Variants in SLC20A2 observed in about 807,000 individuals in gnomAD.
SLC20A2 encodes the protein solute carrier family 20 member 2.
A neutral mutation model predicts 61.0 loss-of-function variants in SLC20A2; 30 were observed. That is an observed-to-expected ratio of 0.49 (90% CI 0.37 to 0.67). The LOEUF is 0.67. Ranked by LOEUF, SLC20A2 falls within the 30% of genes least tolerant of loss-of-function variation. SLC20A2 has a pLI of 0.00. For synonymous variants in SLC20A2, 351 were observed against 353.3 expected (o/e 0.99, Z 0.07); for missense variants, 626 against 866.4 (o/e 0.72, Z 3.48).
chr8:42,483,983 G>A lies in SLC20A2; in HGVS notation c.-264-11329C>T, dbSNP rs578092199. ...GTACTTATAAAACTTTTTGTTCCTG[G>A]TACAACCGCATATTCTTTCCATTAA... On this transcript the variant is annotated intron_variant, in intron 1 of 10. Coordinates refer to ENST00000520262, the MANE Select transcript of SLC20A2 (RefSeq NM_001257180.2). 6.6e-5 allele frequency among the ~76,000 whole-genome samples: 10 copies of A among 152,240 alleles called. No homozygotes were observed. In the East Asian group the frequency reaches 1.9e-3, roughly 29 times the overall value.
At chr8:42,457,843 G>A (rs1330372394) in intron 5 of SLC20A2, among the ~76,000 whole-genome samples, 1 of 152,078 alleles carries the variant, frequency 6.6e-6, no homozygotes, top group Non-Finnish European at 1.5e-5. Context: ...ACAGTAAAAG[G>A]TTATATAATG....
intron 1 of SLC20A2, among the ~76,000 whole-genome samples, chr8:42,475,701 A>G (rs1435577007): frequency 2.0e-5 from 3 of 151,750 alleles, no homozygotes; most frequent in Admixed American, 6.6e-5. Context: ...GTGAGCCACC[A>G]CACCAGGGCC....
intron 1 of SLC20A2, among the ~76,000 whole-genome samples, chr8:42,498,506 C>T (rs1225652642): frequency 2.6e-5 from 4 of 152,096 alleles, no homozygotes; most frequent in African/African-American, 7.2e-5. Flanking sequence ...CTGTGTCCTG[C>T]CTTGTTGTAG....
At chr8:42,503,465 C>A (rs891109806), upstream of SLC20A2, among the ~76,000 whole-genome samples, 1 of 152,132 alleles carries the variant, frequency 6.6e-6, no homozygotes, top group Non-Finnish European at 1.5e-5. Context: ...CAGATACCAA[C>A]CTTCTATGAG....
chr8:42,446,430 G>A lies in SLC20A2; in HGVS notation c.614-1668C>T, dbSNP rs573393933. ...ACTTATGCTCATACATAAACTCACA[G>A]GTAGTTATGCAAGAATACTCACCAC... On this transcript the variant is annotated intron_variant, in intron 5 of 10. Coordinates refer to ENST00000520262, the MANE Select transcript of SLC20A2 (RefSeq NM_001257180.2). Among the ~76,000 whole-genome samples, 420 of 152,220 alleles carry A rather than the reference G, an allele frequency of 2.8e-3. 4 individuals carry two copies. Among genetic ancestry groups the A allele is most frequent in the African/African-American group, 9.9e-3 (411 of 41,544 alleles).
At chr8:42,441,672 T>C (rs565055990) in intron 6 of SLC20A2, among the ~76,000 whole-genome samples, 1 of 151,684 alleles carries the variant, frequency 6.6e-6, no homozygotes, top group African/African-American at 2.4e-5. Flanking sequence ...TTTCACCATG[T>C]TGGCCAAGAT....
chr8:42,439,703 T>A, intron 6 of SLC20A2, 50 bp from the exon 7 acceptor site: 1 of 1,299,306 alleles, frequency 7.7e-7, no homozygotes. Flanking sequence ...GTTCTTATTA[T>A]TGAAACATGA....
Position 42,507,085 on chromosome 8 carries a change from G to A in SLC20A2, c.-264-34431C>T, listed in dbSNP as rs540158265. On this transcript the variant is annotated intron_variant, in intron 1 of 10. Transcript: ENST00000342228. ...AAACCACACAGCCAGCCAGCTGCCA[G>A]CTGACTGCAAAGTCCAGCCAGGCTT... Among the ~76,000 whole-genome samples, 54 of 152,366 alleles carry A rather than the reference G, an allele frequency of 3.5e-4. No homozygotes were observed. The South Asian group carries it at 9.9e-3, about 28-fold the overall frequency.
chr8:42,508,795 A>G (rs62509288), intron 1 of SLC20A2, among the ~76,000 whole-genome samples: 3 of 152,226 alleles, frequency 2.0e-5, no homozygotes, highest in Non-Finnish European at 4.4e-5. Flanking sequence ...GAGAAAAAGG[A>G]AAGCTATAAT....
At chr8:42,527,398 C>T (rs936150791) in intron 1 of SLC20A2, among the ~76,000 whole-genome samples, 1 of 148,818 alleles carries the variant, frequency 6.7e-6, no homozygotes, top group East Asian at 2.0e-4. Flanking sequence ...AAAAAAGAAA[C>T]TAGATGTGGA....
rs763073317 is a variant in SLC20A2 at position 42,428,750 on chromosome 8, G to A, written c.1794+8C>T. On this transcript the variant is annotated splice_region_variant and intron_variant, in intron 10 of 10. Transcript: ENST00000520262. ...CTGGGGAAGGGCTCCCGGCTAGCAG[G>A]GGCCTACCTTACAGTGCGTGGTGCT... is the stretch of plus-strand genomic sequence containing the variant. The A allele has an allele frequency of 5.6e-6, 9 of 1,609,226 alleles. No homozygotes were observed. Among genetic ancestry groups the A allele is most frequent in the Non-Finnish European group, 7.6e-6 (9 of 1,178,074 alleles).
At chr8:42,456,099 C>T (rs1272528646) in intron 5 of SLC20A2, among the ~76,000 whole-genome samples, 3 of 151,714 alleles carry the variant, frequency 2.0e-5, no homozygotes, top group South Asian at 2.1e-4. Context: ...ATATTTTTAG[C>T]GAATGTGCCA....
At chr8:42,463,247 T>G (rs894764345) in intron 3 of SLC20A2, 157 bp from the exon 4 acceptor site, 2 of 522,098 alleles carry the variant, frequency 3.8e-6, no homozygotes, top group African/African-American at 2.0e-5. Flanking sequence ...GCCCTGTGAC[T>G]TGGCAGAGCT....
At chr8:42,484,280 T>C (rs761200235) in intron 1 of SLC20A2, among the ~76,000 whole-genome samples, 10 of 152,242 alleles carry the variant, frequency 6.6e-5, no homozygotes, top group Admixed American at 2.6e-4. Context: ...ACTTGCTAAA[T>C]TGGCAGTATA....
At chr8:42,494,338 G>A (rs13267952) in intron 1 of SLC20A2, among the ~76,000 whole-genome samples, 8,494 of 152,004 alleles carry the variant, frequency 0.056, 296 homozygotes, top group Middle Eastern at 0.14. Flanking sequence ...AAAATATAAA[G>A]TCAAAATAAA....
intron 5 of SLC20A2, among the ~76,000 whole-genome samples, chr8:42,453,495 A>G (rs145153460): frequency 4.5e-4 from 68 of 152,350 alleles, no homozygotes; most frequent in African/African-American, 1.6e-3. Context: ...GGAAATCAAA[A>G]CAAAACACCA....
chr8:42,533,219 ATTG>A lies in SLC20A2; in HGVS notation c.-265+8599_-265+8601del, dbSNP rs1481572429. Among the ~76,000 whole-genome samples the A allele has an allele frequency of 2.6e-5, 4 of 152,306 alleles. No individual in the cohort carries two copies. In the East Asian group the frequency reaches 7.7e-4, roughly 29 times the overall value. On this transcript the variant is annotated intron_variant, in intron 1 of 10. Coordinates refer to the SLC20A2 transcript ENST00000342228. ...TTGTCCTCAATTTACAGAAGAAAAA[ATTG>A]TTGATGAGGTTAACTGACTTAGCCA...
chr8:42,479,549 G>A (rs1808400151), intron 1 of SLC20A2, among the ~76,000 whole-genome samples: 1 of 152,112 alleles, frequency 6.6e-6, no homozygotes, highest in African/African-American at 2.4e-5. Context: ...TCTTAGCTGG[G>A]CGCAGTGGCT....
intron 5 of SLC20A2, among the ~76,000 whole-genome samples, chr8:42,453,178 T>C (rs1805878690): frequency 6.6e-6 from 1 of 152,180 alleles, no homozygotes. Context: ...CCATGAACTT[T>C]AGCATTCACT....
Sources: gnomAD v4.1 joint callset for allele counts (sites outside exome capture counted in the v4.1 genomes callset) on GRCh38, gnomAD v4.1.1 for gene constraint, MANE v1.5 for transcripts, NCBI Gene and HGNC (gene_info 2026-07-23, HGNC 2026-07-21) for gene names.